The following CNTN4 variants were observed in gnomAD, a reference collection of about 807,000 sequenced individuals.
The protein encoded by CNTN4 is contactin 4, also known as contactin-4.
In CNTN4, 77 loss-of-function variants were observed where a neutral mutation model predicts 122.5. The ratio of observed to expected loss-of-function variants is 0.63; its 90% CI spans 0.52 to 0.76. The LOEUF (loss-of-function observed/expected upper bound fraction) is 0.76, where lower values mean the gene tolerates loss of function less well. Among genes scored for constraint, CNTN4 ranks in the 30% least tolerant of loss-of-function variants. The probability of loss-of-function intolerance (pLI) is 0.00; values close to 1 mark genes in which losing one functional copy is unlikely to be tolerated. For synonymous variants in CNTN4, 512 were observed against 447.0 expected, an observed-to-expected ratio of 1.15 and a Z score of -1.83; for missense variants, 1,256 against 1,259.1, an observed-to-expected ratio of 1.00 and a Z score of 0.04.
intron 4 of CNTN4, among the ~76,000 whole-genome samples, chr3:2,583,383 GGC>G (rs1475695642): frequency 6.6e-6 from 1 of 152,162 alleles, no homozygotes; most frequent in African/African-American, 2.4e-5. Flanking sequence ...AAGTTCACAT[GGC>G]TAAGTGCTTT....
intron 3 of CNTN4, among the ~76,000 whole-genome samples, chr3:2,560,145 CTT>C (rs567883588): frequency 2.8e-5 from 4 of 144,394 alleles, no homozygotes; most frequent in Admixed American, 7.0e-5. Flanking sequence ...TTTTCTTTTT[CTT>C]TTTTTTTTTT....
chr3:2,716,357 G>A (rs1046894868), intron 4 of CNTN4, among the ~76,000 whole-genome samples: 1 of 150,522 alleles, frequency 6.6e-6, no homozygotes, highest in East Asian at 1.9e-4. Context: ...TATTATTATG[G>A]GATTTATCTT....
intron 3 of CNTN4, among the ~76,000 whole-genome samples, chr3:2,539,914 T>C (rs1335098185): frequency 3.9e-5 from 6 of 152,178 alleles, no homozygotes; most frequent in African/African-American, 1.4e-4. Context: ...TCTTGCAGTG[T>C]TAGATCTAGG....
At chr3:2,538,885 T>TTATTACTTAATA in intron 3 of CNTN4, among the ~76,000 whole-genome samples, 1 of 151,720 alleles carries the variant, frequency 6.6e-6, no homozygotes, top group Admixed American at 6.6e-5. Context: ...TTAATTTGAT[T>TTATTACTTAATA]TATTACTTAA....
intron 10 of CNTN4, among the ~76,000 whole-genome samples, chr3:2,896,986 A>C (rs377300295): frequency 2.7e-4 from 36 of 131,124 alleles, no homozygotes; most frequent in Middle Eastern, 0.01. Context: ...TTAAATTTCT[A>C]AGGCCTAAGG....
intron 6 of CNTN4, among the ~76,000 whole-genome samples, chr3:2,754,845 G>A (rs929942756): frequency 5.9e-5 from 9 of 152,032 alleles, no homozygotes; most frequent in Admixed American, 2.6e-4. Flanking sequence ...TATCAGTTAA[G>A]TGGCAAACAT....
At chr3:2,154,131 T>G (rs1183410141) in intron 2 of CNTN4, among the ~76,000 whole-genome samples, 1 of 152,152 alleles carries the variant, frequency 6.6e-6, no homozygotes, top group African/African-American at 2.4e-5. Context: ...ACGCCTGTAA[T>G]CCCAGCAATT....
At chr3:2,650,678 C>G (rs992620139) in intron 4 of CNTN4, among the ~76,000 whole-genome samples, 1 of 152,176 alleles carries the variant, frequency 6.6e-6, no homozygotes. Flanking sequence ...CGAGGGAAGA[C>G]TCTCCCCCTT....
In CNTN4 at chr3:2,124,693, G is replaced by C. The variant is rs77717016; in HGVS notation, c.-145+24054G>C. On this transcript the variant is annotated intron_variant, in intron 2 of 24. Coordinates refer to ENST00000418658, the MANE Select transcript of CNTN4 (RefSeq NM_175607.3). ...GGAGGCTGAGGCAGGAGGTTCCCTTGTGCCAGGAGGTTGAGGCTGCAGTAA... is the reference window on the plus strand; with the variant it reads ...GGAGGCTGAGGCAGGAGGTTCCCTTCTGCCAGGAGGTTGAGGCTGCAGTAA... Among the ~76,000 whole-genome samples the C allele has an allele frequency of 3.3e-3, 505 of 152,172 alleles. 23 individuals carry two copies. The East Asian group carries it at 0.083, about 25-fold the overall frequency.
intron 2 of CNTN4, among the ~76,000 whole-genome samples, chr3:2,312,981 C>G (rs1198982774): frequency 6.6e-6 from 1 of 151,920 alleles, no homozygotes; most frequent in Non-Finnish European, 1.5e-5. Context: ...AAAATTTTAT[C>G]TTCAGGCAAA....
intron 4 of CNTN4, among the ~76,000 whole-genome samples, chr3:2,659,093 A>C (rs912457230): frequency 6.6e-6 from 1 of 152,094 alleles, no homozygotes; most frequent in African/African-American, 2.4e-5. Flanking sequence ...CTGTTCAAAA[A>C]AATCACATAC....
At chr3:2,825,256 C>T (rs745668035) in intron 7 of CNTN4, among the ~76,000 whole-genome samples, 1 of 152,098 alleles carries the variant, frequency 6.6e-6, no homozygotes, top group South Asian at 2.1e-4. Flanking sequence ...GACAGAGTCT[C>T]GCTCTGTCGC....
intron 7 of CNTN4, among the ~76,000 whole-genome samples, chr3:2,857,950 A>T (rs530838670): frequency 3.3e-5 from 5 of 152,272 alleles, no homozygotes; most frequent in Admixed American, 1.3e-4. Flanking sequence ...TATGCAACTA[A>T]GGGTCAGTTC....
chr3:2,717,457 AT>A (rs1449377306), intron 4 of CNTN4, among the ~76,000 whole-genome samples: 1 of 152,130 alleles, frequency 6.6e-6, no homozygotes, highest in Admixed American at 6.5e-5. Flanking sequence ...TTTTATGTGC[AT>A]CTCCTGGGAG....
At chr3:2,103,644 T>C (rs866121997) in intron 2 of CNTN4, among the ~76,000 whole-genome samples, 8 of 152,222 alleles carry the variant, frequency 5.3e-5, no homozygotes, top group Non-Finnish European at 1.2e-4. Flanking sequence ...AAGGTATTGC[T>C]CTTTATCAAT....
intron 4 of CNTN4, among the ~76,000 whole-genome samples, chr3:2,615,036 C>G (rs1259597608): frequency 6.6e-6 from 1 of 152,052 alleles, no homozygotes; most frequent in Non-Finnish European, 1.5e-5. Flanking sequence ...AGTGACGGCT[C>G]ATTTCCTCAA....
intron 4 of CNTN4, among the ~76,000 whole-genome samples, chr3:2,673,313 A>C (rs2084645199): frequency 6.6e-6 from 1 of 152,240 alleles, no homozygotes. Context: ...TCTGGGTCTA[A>C]GCCAGCTTCT....
chr3:2,335,719 C>G (rs2043929069), intron 2 of CNTN4, among the ~76,000 whole-genome samples: 1 of 151,840 alleles, frequency 6.6e-6, no homozygotes, highest in Admixed American at 6.6e-5. Context: ...AACAAGAATA[C>G]AGCAACTGAA....
intron 3 of CNTN4, among the ~76,000 whole-genome samples, chr3:2,465,495 G>A (rs1245373969): frequency 7.2e-5 from 11 of 151,944 alleles, no homozygotes; most frequent in South Asian, 2.1e-4. Context: ...TGGGCAACAC[G>A]GTGAAACCCC....
Sources: gnomAD v4.1 joint callset for allele counts (sites outside exome capture counted in the v4.1 genomes callset) on GRCh38, gnomAD v4.1.1 for gene constraint, MANE v1.5 for transcripts, NCBI Gene and HGNC (gene_info 2026-07-23, HGNC 2026-07-21) for gene names.